CFI: variants seen among roughly 807,000 people sequenced by gnomAD.
The protein encoded by CFI is C3B/C4B inactivator.
In CFI, 66 loss-of-function variants were observed where a neutral mutation model predicts 78.8. The observed-to-expected ratio is 0.84, with a 90% CI of 0.69 to 1.03. The LOEUF (loss-of-function observed/expected upper bound fraction) is 1.03. CFI is among the 50% of genes least tolerant of loss of function. CFI has a pLI of 0.00. For synonymous variants in CFI, 250 were observed against 232.6 expected (o/e 1.07, Z -0.68); for missense variants, 706 against 704.5 (o/e 1.00, Z -0.02).
Position 109,761,671 on chromosome 4 carries a change from CCTT to C in CFI, c.501_503del (p.Arg168del). The C allele has an allele frequency of 6.2e-7, 1 of 1,612,828 alleles. No individual in the cohort carries two copies. The highest frequency in any genetic ancestry group is 8.5e-7 in the Non-Finnish European group (1 of 1,179,042). Reference sequence around the variant, plus strand: ...TTATAGAGAGATCAGACAACTTAAACCTTCTTTGAGTATCAGCACCTCTGCAAA... The same window carrying C: ...TTATAGAGAGATCAGACAACTTAAACCTTTGAGTATCAGCACCTCTGCAAA... On this transcript the variant is annotated inframe_deletion, in exon 4 of 13. Transcript: ENST00000394634.
chr4:109,780,589 C>T (rs1039085026), intron 1 of CFI, among the ~76,000 whole-genome samples: 5 of 152,144 alleles, frequency 3.3e-5, no homozygotes, highest in African/African-American at 7.2e-5. Context: ...GACAGTGTGG[C>T]GATTCCTCAC....
rs1288261571 is a variant in CFI at position 109,741,082 on chromosome 4, A to G, written c.1563T>C (p.Cys521=). The part of the protein sequence containing the change: ...AGTYDGSIDA[C]KGDSGGPLVC... ...CTAAGGGGCCTCCAGAGTCCCCTTT[A>G]CAGGCATCGATGGAACCATCATATG... Residue 521 remains cysteine, a synonymous_variant, in exon 13 of 13, where the codon TGT becomes TGC. Transcript: ENST00000394634. The G allele has an allele frequency of 1.2e-6, 2 of 1,614,188 alleles. No individual in the cohort carries two copies. Among genetic ancestry groups the G allele is most frequent in the East Asian group, 4.5e-5 (2 of 44,884 alleles).
chr4:109,798,899 G>A (rs958562361), intron 1 of CFI, among the ~76,000 whole-genome samples: 1 of 151,612 alleles, frequency 6.6e-6, no homozygotes, highest in East Asian at 1.9e-4. Context: ...GAGAGAGAGA[G>A]AGAAGAAAAA....
chr4:109,738,115 T>C (rs1368133826), downstream of CFI, among the ~76,000 whole-genome samples: 1 of 5,622 alleles, frequency 1.8e-4, no homozygotes, highest in Non-Finnish European at 4.2e-3. Context: ...TACTTTTCTT[T>C]TTTTTTTTTT....
At chr4:109,741,176 C>T in intron 12 of CFI, 66 bp from the exon 13 acceptor site, 1 of 1,608,960 alleles carries the variant, frequency 6.2e-7, no homozygotes, top group East Asian at 2.2e-5. Flanking sequence ...GCCATGCCTC[C>T]TCCATGGCAT....
At chr4:109,778,155 G>A (rs1179475316) in intron 1 of CFI, among the ~76,000 whole-genome samples, 7 of 151,692 alleles carry the variant, frequency 4.6e-5, no homozygotes, top group South Asian at 4.2e-4. Context: ...AAGGAGATAC[G>A]GACACAAAAA....
intron 6 of CFI, among the ~76,000 whole-genome samples, chr4:109,759,772 T>C (rs951720405): frequency 6.6e-6 from 1 of 152,106 alleles, no homozygotes; most frequent in Non-Finnish European, 1.5e-5. Context: ...CAGGTGCCTG[T>C]AATCCCAGCT....
intron 1 of CFI, among the ~76,000 whole-genome samples, chr4:109,770,377 T>C (rs1259937886): frequency 6.6e-6 from 1 of 151,788 alleles, no homozygotes; most frequent in Non-Finnish European, 1.5e-5. Context: ...CTGGCTAACA[T>C]GGCAAAACCC....
At chr4:109,739,741 G>A (rs531226830), downstream of CFI, among the ~76,000 whole-genome samples, 15 of 152,152 alleles carry the variant, frequency 9.9e-5, no homozygotes, top group East Asian at 7.7e-4. Flanking sequence ...GATTTAAAAC[G>A]TAGTCTAGAT....
intron 1 of CFI, 66 bp from the exon 2 acceptor site, chr4:109,766,890 G>C: frequency 6.4e-7 from 1 of 1,554,080 alleles, no homozygotes; most frequent in African/African-American, 1.4e-5. Context: ...AGATGAGTAA[G>C]TGAAGGAAAA....
chr4:109,786,667 G>A (rs1184362753), intron 1 of CFI, among the ~76,000 whole-genome samples: 1 of 151,960 alleles, frequency 6.6e-6, no homozygotes, highest in Non-Finnish European at 1.5e-5. Context: ...CCCTTCTATT[G>A]CTAATTAGCT....
In CFI at chr4:109,746,419, T is replaced by C. The variant is rs1474805705; in HGVS notation, c.1232A>G (p.Tyr411Cys). ...TTCATGGAAAATAATTCTATCCACG[T>C]ATTCAATTACTATACGTTTAAGGTC... ...HPDLKRIVIE[Y>C]VDRIIFHENY... Residue 411 changes from tyrosine (Y) to cysteine (C), a missense_variant, in exon 11 of 13, where the codon TAC (tyrosine) becomes TGC (cysteine). Transcript: ENST00000394634. 1.9e-6 allele frequency: 3 copies of C among 1,613,980 alleles called. No homozygotes were observed. Among genetic ancestry groups the C allele is most frequent in the Non-Finnish European group, 2.5e-6 (3 of 1,179,884 alleles).
At chr4:109,780,749 A>G (rs921932303) in intron 1 of CFI, among the ~76,000 whole-genome samples, 1 of 152,204 alleles carries the variant, frequency 6.6e-6, no homozygotes, top group African/African-American at 2.4e-5. Flanking sequence ...AATCAACCCA[A>G]CTGTCCATCA....
Position 109,800,321 on chromosome 4 carries a change from G to GTTTTTTTTTTTTTTTTTTTTTTTTTT in CFI, c.57+1568_57+1593dup, listed in dbSNP as rs554145445. Reference sequence around the variant, plus strand: ...GTTGACTGAAATATTTGGCTTCTCTGTTTTTTTTTTTTTTTTTTTTTTTTT... The same window carrying GTTTTTTTTTTTTTTTTTTTTTTTTTT: ...GTTGACTGAAATATTTGGCTTCTCTGTTTTTTTTTTTTTTTTTTTTTTTTTTTTTTTTTTTTTTTTTTTTTTTTTTT... On this transcript the variant is annotated intron_variant, in intron 1 of 12. Coordinates refer to ENST00000394634, the MANE Select transcript of CFI (RefSeq NM_000204.5). 4.1e-5 allele frequency among the ~76,000 whole-genome samples: 2 copies of GTTTTTTTTTTTTTTTTTTTTTTTTTT among 48,774 alleles called. 1 individual carries two copies. The allele number at this position is 48,774 out of a possible 152,430, so 32.0% of individuals were successfully genotyped here. A position where few individuals can be genotyped will look rare whatever the true frequency, so the allele number is the denominator to read the frequency against.
chr4:109,781,066 C>T (rs1186709064), intron 1 of CFI, among the ~76,000 whole-genome samples: 2 of 152,094 alleles, frequency 1.3e-5, no homozygotes, highest in African/African-American at 4.8e-5. Context: ...TTAACGTGTG[C>T]AGCACACCAA....
chr4:109,751,543 G>A (rs1248339073), intron 8 of CFI, among the ~76,000 whole-genome samples: 1 of 144,804 alleles, frequency 6.9e-6, no homozygotes, highest in African/African-American at 2.5e-5. Context: ...CCGGGTTCAA[G>A]CGATTCTCCT....
chr4:109,799,971 T>C (rs1187340093), intron 1 of CFI, among the ~76,000 whole-genome samples: 2 of 152,238 alleles, frequency 1.3e-5, no homozygotes, highest in Non-Finnish European at 2.9e-5. Flanking sequence ...TCTTAGGTGC[T>C]ATAAACCTTT....
rs1726942134 is a variant in CFI at position 109,760,642 on chromosome 4, A to G, written c.659-6T>C. 6.7e-7 allele frequency: 1 copy of G among 1,482,300 alleles called. No individual in the cohort carries two copies. Among genetic ancestry groups the G allele is most frequent in the African/African-American group, 1.4e-5 (1 of 72,186 alleles). The allele number at this position is 1,482,300 out of a possible 1,614,324, so 91.8% of individuals were successfully genotyped here. ...GAAGTCATCCATTGGAGAATCTGTAAAGCAGGAATTATCTTTGTGAAATTT... is the reference window on the plus strand; with the variant it reads ...GAAGTCATCCATTGGAGAATCTGTAGAGCAGGAATTATCTTTGTGAAATTT... On this transcript the variant is annotated splice_region_variant and splice_polypyrimidine_tract_variant and intron_variant, in intron 4 of 12. Transcript: ENST00000394634.
At chr4:109,798,368 C>A (rs572017381) in intron 1 of CFI, among the ~76,000 whole-genome samples, 1 of 152,194 alleles carries the variant, frequency 6.6e-6, no homozygotes, top group Non-Finnish European at 1.5e-5. Flanking sequence ...TGAGAGGAAA[C>A]TTTTAGAAGT....
Sources: allele counts gnomAD v4.1 joint callset (sites outside exome capture counted in the v4.1 genomes callset), GRCh38; gene constraint gnomAD v4.1.1; transcripts MANE v1.5; gene names NCBI Gene and HGNC (gene_info 2026-07-23, HGNC 2026-07-21).